Variants in ELF1 observed in about 807,000 individuals in gnomAD.
ELF1 encodes E74 like ETS transcription factor 1, also known as ETS-related transcription factor Elf-1.
ELF1 carries 24 observed loss-of-function variants against 59.9 expected under a neutral mutation model. The ratio of observed to expected loss-of-function variants is 0.40; its 90% CI spans 0.29 to 0.56. The LOEUF is 0.56. Ranked by LOEUF, ELF1 falls within the 20% of genes least tolerant of loss-of-function variation. The pLI is 0.44. For synonymous variants in ELF1, 248 were observed against 266.2 expected, an observed-to-expected ratio of 0.93 and a Z score of 0.67; for missense variants, 627 against 742.2, an observed-to-expected ratio of 0.84 and a Z score of 1.80.
At chr13:40,955,553 G>A (rs1263232278) in intron 3 of ELF1, among the ~76,000 whole-genome samples, 2 of 74,538 alleles carry the variant, frequency 2.7e-5, no homozygotes, top group Non-Finnish European at 5.9e-5. Context: ...TAGGTGGGGG[G>A]GTCAGCCCCC....
intron 3 of ELF1, among the ~76,000 whole-genome samples, chr13:40,953,961 T>C (rs762368140): frequency 3.9e-5 from 6 of 152,192 alleles, no homozygotes; most frequent in Admixed American, 2.6e-4. Context: ...CGGAAAGACA[T>C]TGGTCCTCAA....
intron 1 of ELF1, among the ~76,000 whole-genome samples, chr13:41,058,463 G>C (rs919507636): frequency 1.3e-5 from 2 of 152,308 alleles, no homozygotes; most frequent in African/African-American, 4.8e-5. Context: ...TGTTACTCCA[G>C]TAGCACTTCT....
chr13:41,047,279 G>C (rs555294002), intron 1 of ELF1, among the ~76,000 whole-genome samples: 2 of 152,172 alleles, frequency 1.3e-5, no homozygotes, highest in Non-Finnish European at 2.9e-5. Context: ...CTCTCAACTC[G>C]TCAAAGTCAT....
rs892020203 is a variant in ELF1, at chr13:41,029,039, G to A, written c.-229+31799C>T. On this transcript the variant is annotated intron_variant, in intron 1 of 1. Coordinates refer to the ELF1 transcript ENST00000405737. ...ATTACAGGTGTGAGCCACCATGCCC[G>A]GCCAAGTATTGTTAATTTTACATCA... Among the ~76,000 whole-genome samples, 8 of 152,066 alleles carry A rather than the reference G, an allele frequency of 5.3e-5. No individual in the cohort carries two copies. The South Asian group carries it at 1.0e-3, about 20-fold the overall frequency.
At chr13:40,955,564 C>G (rs1272257311) in intron 3 of ELF1, among the ~76,000 whole-genome samples, 2 of 69,852 alleles carry the variant, frequency 2.9e-5, no homozygotes, top group Admixed American at 1.2e-4. Context: ...GTCAGCCCCC[C>G]ACCCGGCCAG....
chr13:40,979,235 A>AC (rs971698963), intron 2 of ELF1, among the ~76,000 whole-genome samples: 15 of 152,200 alleles, frequency 9.9e-5, no homozygotes, highest in East Asian at 1.9e-4. Flanking sequence ...ACACACACAT[A>AC]ATGACAAAAT....
chr13:40,979,261 A>G (rs1387737198), intron 2 of ELF1, among the ~76,000 whole-genome samples: 1 of 152,058 alleles, frequency 6.6e-6, no homozygotes, highest in Non-Finnish European at 1.5e-5. Context: ...TGCTCCGTAA[A>G]TATTAGCTAT....
chr13:41,046,327 A>G (rs1876845434), intron 1 of ELF1, among the ~76,000 whole-genome samples: 1 of 152,286 alleles, frequency 6.6e-6, no homozygotes, highest in Non-Finnish European at 1.5e-5. Flanking sequence ...TCCTGTCATT[A>G]CTATGTTAGT....
chr13:41,015,179 A>G (rs532910191), intron 1 of ELF1, among the ~76,000 whole-genome samples: 6 of 152,144 alleles, frequency 3.9e-5, no homozygotes, highest in Non-Finnish European at 8.8e-5. Context: ...AACCAAAACA[A>G]CTAACACTGG....
At chr13:41,055,249 T>C (rs1877241653) in intron 1 of ELF1, among the ~76,000 whole-genome samples, 1 of 152,078 alleles carries the variant, frequency 6.6e-6, no homozygotes, top group South Asian at 2.1e-4. Flanking sequence ...AAAAACACAT[T>C]GTCCACTACA....
At chr13:40,943,948 T>C (rs1005598291) in intron 5 of ELF1, 23 bp from the exon 6 acceptor site, 5 of 1,607,074 alleles carry the variant, frequency 3.1e-6, no homozygotes, top group Non-Finnish European at 4.3e-6. Flanking sequence ...CAGCTCTGCA[T>C]AAATATTTGC....
At chr13:41,053,353 CAAA>C (rs771853618) in intron 1 of ELF1, among the ~76,000 whole-genome samples, 1 of 125,504 alleles carries the variant, frequency 8.0e-6, no homozygotes, top group African/African-American at 2.9e-5. Flanking sequence ...GACTCCGTCT[CAAA>C]AAAAAAAAAA....
rs565225583 is a variant in ELF1 at position 41,030,920 on chromosome 13, G to A, written c.-229+29918C>T. 2.6e-5 allele frequency among the ~76,000 whole-genome samples: 4 copies of A among 151,946 alleles called. No homozygotes were observed. In the South Asian group the frequency reaches 8.3e-4, roughly 32 times the overall value. On this transcript the variant is annotated intron_variant, in intron 1 of 1. Transcript: ENST00000405737. ...TCACGCCTATAATCCTAGCACTTCA[G>A]GGAACTGAAGCAGGTGAATCACTTG...
At chr13:41,002,111 G>T (rs9590567) in intron 1 of ELF1, among the ~76,000 whole-genome samples, 7 of 151,958 alleles carry the variant, frequency 4.6e-5, no homozygotes, top group Admixed American at 2.0e-4. Context: ...GGAAAATCTG[G>T]GGGGGAAATA....
At chr13:40,935,699 A>C (rs987426909) in intron 8 of ELF1, among the ~76,000 whole-genome samples, 1 of 144,056 alleles carries the variant, frequency 6.9e-6, no homozygotes, top group South Asian at 2.2e-4. Context: ...TTTGAGATGG[A>C]GTCTCGCTCT....
chr13:40,933,801 G>A lies in ELF1; in HGVS notation c.1484C>T (p.Pro495Leu). ...CTGGGCAGGGCCCAAGACAATTGAA[G>A]GAGGAGAGCCCGCCTTTTGTGACTG... ...MLQSQKAGSP[P>L]SIVLGPAQVQ... is the part of the protein sequence containing the mutation. Residue 495 changes from proline to leucine, a missense_variant, in exon 9 of 9, where the codon CCT becomes CTT. Pro to Leu is a moderately conservative substitution (Grantham distance 98). Coordinates refer to ENST00000239882, the MANE Select transcript of ELF1 (RefSeq NM_172373.4). 6.2e-7 allele frequency: 1 copy of A among 1,614,260 alleles called. No individual in the cohort carries two copies. Among genetic ancestry groups the A allele is most frequent in the South Asian group, 1.1e-5 (1 of 91,090 alleles).
At chr13:40,953,156 A>G (rs1050116113) in intron 3 of ELF1, among the ~76,000 whole-genome samples, 8 of 151,980 alleles carry the variant, frequency 5.3e-5, no homozygotes, top group African/African-American at 1.9e-4. Flanking sequence ...CTGTATTTTC[A>G]GTAGAGACGG....
At chr13:40,935,675 AT>A (rs35559263) in intron 8 of ELF1, among the ~76,000 whole-genome samples, 70,162 of 138,010 alleles carry the variant, frequency 0.51, 20,348 homozygotes, top group Non-Finnish European at 0.66. Flanking sequence ...GCCAGATACC[AT>A]TTTTTTTTTT....
At chr13:41,058,526 G>A (rs1207909416) in intron 1 of ELF1, among the ~76,000 whole-genome samples, 1 of 152,206 alleles carries the variant, frequency 6.6e-6, no homozygotes, top group Non-Finnish European at 1.5e-5. Context: ...CTACACGAAA[G>A]ATAAATCTGT....
Sources: allele counts gnomAD v4.1 joint callset (sites outside exome capture counted in the v4.1 genomes callset), GRCh38; gene constraint gnomAD v4.1.1; transcripts MANE v1.5; gene names NCBI Gene and HGNC (gene_info 2026-07-23, HGNC 2026-07-21).